The following GRB2 variants were observed in gnomAD, a reference collection of about 807,000 sequenced individuals.
GRB2 encodes the protein growth factor receptor bound protein 2.
Under a neutral mutation model 27.4 loss-of-function variants are expected in GRB2, and 2 were observed. The observed-to-expected ratio is 0.07, with a 90% CI of 0.03 to 0.23. The LOEUF (loss-of-function observed/expected upper bound fraction) is 0.23. Among genes scored for constraint, GRB2 ranks in the 10% least tolerant of loss-of-function variants. The pLI is 1.00. For synonymous variants in GRB2, 94 were observed against 99.6 expected, an observed-to-expected ratio of 0.94 and a Z score of 0.33; for missense variants, 102 against 282.4, an observed-to-expected ratio of 0.36 and a Z score of 4.58.
chr17:75,330,708 A>AAAC (rs2078534754), intron 3 of GRB2, among the ~76,000 whole-genome samples: 2 of 136,850 alleles, frequency 1.5e-5, no homozygotes, highest in African/African-American at 5.9e-5. Context: ...AACAAAAAAC[A>AAAC]AAAAAAAAAA....
intron 2 of GRB2, among the ~76,000 whole-genome samples, chr17:75,364,172 G>C (rs564560852): frequency 6.6e-6 from 1 of 152,022 alleles, no homozygotes; most frequent in Admixed American, 6.5e-5. Context: ...TTAATAGTAC[G>C]CATAGCCACC....
chr17:75,371,975 C>G (rs1405662382), intron 2 of GRB2: 2 of 152,092 alleles, frequency 1.3e-5, no homozygotes, highest in Non-Finnish European at 2.9e-5. Context: ...AAGAGTAAGA[C>G]TTTGCCGAAG....
intron 2 of GRB2, among the ~76,000 whole-genome samples, chr17:75,355,343 C>T (rs980372102): frequency 7.9e-5 from 12 of 152,090 alleles, no homozygotes; most frequent in Non-Finnish European, 1.3e-4. Context: ...ACTCTACTGC[C>T]TCATCTCTCT....
chr17:75,385,913 A>G lies in GRB2; in HGVS notation c.78+7638T>C, dbSNP rs140387949. ...GCCATAATCTACCTCTGTAAACCCC[A>G]CTAATTGGTTTTGCTTTTTGGCTTG... On this transcript the variant is annotated intron_variant, in intron 2 of 5. Coordinates refer to ENST00000316804, the MANE Select transcript of GRB2 (RefSeq NM_002086.5). Among the ~76,000 whole-genome samples the G allele has an allele frequency of 4.8e-3, 728 of 152,248 alleles. 5 individuals are homozygous for G. The highest frequency in any genetic ancestry group is 0.016 in the African/African-American group (678 of 41,534).
intron 2 of GRB2, among the ~76,000 whole-genome samples, chr17:75,358,382 G>A (rs188362356): frequency 6.0e-4 from 92 of 152,266 alleles, no homozygotes; most frequent in Non-Finnish European, 1.2e-3. Context: ...TATGGGTGGA[G>A]TGTGTTTTTG....
At chr17:75,375,892 G>C (rs1009065661) in intron 2 of GRB2, among the ~76,000 whole-genome samples, 1 of 151,974 alleles carries the variant, frequency 6.6e-6, no homozygotes, top group Non-Finnish European at 1.5e-5. Flanking sequence ...GGGCGTGGTG[G>C]TGGGCGCCTG....
At chr17:75,386,989 CTA>C (rs2078968243) in intron 2 of GRB2, among the ~76,000 whole-genome samples, 2 of 151,610 alleles carry the variant, frequency 1.3e-5, no homozygotes, top group Admixed American at 6.6e-5. Flanking sequence ...TCCTGGCTAA[CTA>C]AAAACACACA....
chr17:75,365,805 A>G (rs1173930478), intron 2 of GRB2, among the ~76,000 whole-genome samples: 5 of 152,172 alleles, frequency 3.3e-5, no homozygotes, highest in Non-Finnish European at 7.4e-5. Context: ...GGAGCACCAA[A>G]AAGATGAACA....
chr17:75,327,527 C>A (rs535146934), intron 3 of GRB2, among the ~76,000 whole-genome samples: 1 of 152,056 alleles, frequency 6.6e-6, no homozygotes. Context: ...GCCACCACCA[C>A]GCCCAGCTAA....
chr17:75,381,561 T>TA (rs890564288), intron 2 of GRB2, among the ~76,000 whole-genome samples: 13 of 144,930 alleles, frequency 9.0e-5, no homozygotes, highest in Admixed American at 4.1e-4. Flanking sequence ...CTACTAAAAA[T>TA]AAAAAAAAAA....
intron 2 of GRB2, among the ~76,000 whole-genome samples, chr17:75,367,314 G>C (rs2078826459): frequency 6.6e-6 from 1 of 152,064 alleles, no homozygotes; most frequent in African/African-American, 2.4e-5. Context: ...GAGACTACAG[G>C]TGTGCACCAC....
intron 1 of GRB2, among the ~76,000 whole-genome samples, chr17:75,394,611 C>G (rs1212878386): frequency 6.6e-6 from 1 of 151,796 alleles, no homozygotes; most frequent in Non-Finnish European, 1.5e-5. Context: ...TCTAACTAAC[C>G]TAAGGAGCAG....
intron 2 of GRB2, among the ~76,000 whole-genome samples, chr17:75,349,704 G>A (rs550286645): frequency 6.6e-6 from 1 of 151,864 alleles, no homozygotes; most frequent in Non-Finnish European, 1.5e-5. Flanking sequence ...ATTTTAAGTT[G>A]AGACGAGGTT....
intron 2 of GRB2, among the ~76,000 whole-genome samples, chr17:75,381,827 A>T (rs1460742568): frequency 1.3e-5 from 2 of 152,070 alleles, no homozygotes; most frequent in African/African-American, 2.4e-5. Flanking sequence ...TTCTCAGTGA[A>T]TCCTACAGTT....
At chr17:75,328,500 C>T (rs781336447) in intron 3 of GRB2, among the ~76,000 whole-genome samples, 14 of 151,220 alleles carry the variant, frequency 9.3e-5, no homozygotes, top group African/African-American at 3.4e-4. Context: ...ATTAGCAAGG[C>T]GCGGTGGCGC....
At chr17:75,388,323 G>A (rs764685638) in intron 2 of GRB2, among the ~76,000 whole-genome samples, 6 of 150,910 alleles carry the variant, frequency 4.0e-5, no homozygotes, top group Admixed American at 6.6e-5. Context: ...GGCTGGTCTC[G>A]AACTCCTGAC....
At position 75,321,793 on chromosome 17, in the gene GRB2, G is replaced by T; in HGVS notation, c.334C>A (p.Arg112=). The T allele has an allele frequency of 1.2e-6, 2 of 1,613,972 alleles. No individual in the cohort carries two copies. Among genetic ancestry groups the T allele is most frequent in the Non-Finnish European group, 1.7e-6 (2 of 1,180,002 alleles). The part of the protein sequence containing the change: ...GNDVQHFKVL[R]DGAGKYFLWV... ...AGGAAGTACTTCCCGGCTCCATCTC[G>T]GAGCACCTTGAAGTGCTGCACATCG... Residue 112 remains arginine (R), a synonymous_variant, in exon 5 of 6, where the codon CGA becomes AGA. Coordinates refer to ENST00000316804, the MANE Select transcript of GRB2 (RefSeq NM_002086.5).
intron 2 of GRB2, among the ~76,000 whole-genome samples, chr17:75,348,361 T>G (rs2078667646): frequency 6.6e-6 from 1 of 152,126 alleles, no homozygotes; most frequent in South Asian, 2.1e-4. Flanking sequence ...TGTTTACTAT[T>G]AAAAGTTGAG....
chr17:75,328,714 G>A (rs373723595), intron 3 of GRB2, among the ~76,000 whole-genome samples: 12 of 152,072 alleles, frequency 7.9e-5, no homozygotes, highest in Non-Finnish European at 1.2e-4. Context: ...CGAGGCGGGC[G>A]GGTCACAAAG....
Sources: gnomAD v4.1 joint callset for allele counts (sites outside exome capture counted in the v4.1 genomes callset) on GRCh38, gnomAD v4.1.1 for gene constraint, MANE v1.5 for transcripts, NCBI Gene and HGNC (gene_info 2026-07-23, HGNC 2026-07-21) for gene names.